COL23A1: variants seen among roughly 807,000 people sequenced by gnomAD.
COL23A1 encodes the protein collagen alpha-1(XXIII) chain.
COL23A1 carries 97 observed loss-of-function variants against 99.3 expected under a neutral mutation model. The observed-to-expected ratio is 0.98, with a 90% CI of 0.83 to 1.16. COL23A1 has a LOEUF of 1.16. COL23A1 is among the 50% of genes most tolerant of loss of function. The pLI is 0.00. For synonymous variants in COL23A1, 320 were observed against 308.2 expected (o/e 1.04, Z -0.40); for missense variants, 762 against 757.4 (o/e 1.01, Z -0.07).
At chr5:178,583,294 T>G (rs955336322) in intron 1 of COL23A1, among the ~76,000 whole-genome samples, 3 of 152,052 alleles carry the variant, frequency 2.0e-5, no homozygotes, top group Non-Finnish European at 4.4e-5. Flanking sequence ...GCCACTGAGG[T>G]GGAATTTCTC....
At chr5:178,478,623 A>G (rs1757157963) in intron 2 of COL23A1, among the ~76,000 whole-genome samples, 1 of 152,088 alleles carries the variant, frequency 6.6e-6, no homozygotes, top group Non-Finnish European at 1.5e-5. Flanking sequence ...GTGCCTGCCA[A>G]CCCCTCCCTT....
At chr5:178,440,241 T>C (rs1766787802) in intron 2 of COL23A1, among the ~76,000 whole-genome samples, 1 of 152,186 alleles carries the variant, frequency 6.6e-6, no homozygotes, top group South Asian at 2.1e-4. Flanking sequence ...GGACACCCAA[T>C]GTGCTCCACC....
intron 2 of COL23A1, among the ~76,000 whole-genome samples, chr5:178,322,299 AT>A (rs200208018): frequency 1.3e-5 from 2 of 151,758 alleles, no homozygotes; most frequent in African/African-American, 4.8e-5. Context: ...GCCCACGCCT[AT>A]TTTTTTTGTA....
intron 2 of COL23A1, among the ~76,000 whole-genome samples, chr5:178,511,625 G>T (rs1007156720): frequency 2.0e-5 from 3 of 152,160 alleles, no homozygotes; most frequent in African/African-American, 7.2e-5. Flanking sequence ...TGGAAGGAAG[G>T]CATGGGCTCA....
intron 19 of COL23A1, 110 bp downstream of exon 19, chr5:178,249,007 G>C (rs577290710): frequency 9.3e-7 from 1 of 1,080,848 alleles, no homozygotes; most frequent in Non-Finnish European, 1.4e-6. Context: ...CACTGAGACC[G>C]CAGGGGCTGT....
At chr5:178,517,601 G>A (rs1262932193) in intron 2 of COL23A1, among the ~76,000 whole-genome samples, 5 of 120,392 alleles carry the variant, frequency 4.2e-5, no homozygotes, top group Admixed American at 3.4e-4. Flanking sequence ...TCACTCTGTC[G>A]CCCAGTCTGG....
In COL23A1 at chr5:178,309,690, G is replaced by A. The variant is rs1758562823; in HGVS notation, c.362-2771C>T. 9.8e-6 allele frequency among the ~76,000 whole-genome samples: 1 copy of A among 102,366 alleles called. No individual in the cohort carries two copies. Among genetic ancestry groups the A allele is most frequent in the Non-Finnish European group, 2.0e-5 (1 of 49,904 alleles). 67.2% of individuals were successfully genotyped at this position (102,366 alleles called of 152,430 possible). A position where few individuals can be genotyped will look rare whatever the true frequency, so the allele number is the denominator to read the frequency against. On this transcript the variant is annotated intron_variant, in intron 2 of 28. Coordinates refer to ENST00000390654, the MANE Select transcript of COL23A1 (RefSeq NM_173465.4). This position sits in a 1 kb window ranked among gnomAD's most constrained non-coding sequence, Gnocchi z 4.7. The stretch of plus-strand genomic sequence containing the variant: ...TGCAGGTCCCAGCAGCACCCAAGCA[G>A]TCAAGCCAGAGACCCCCCCCCGGGC...
intron 2 of COL23A1, among the ~76,000 whole-genome samples, chr5:178,534,569 A>G (rs977826475): frequency 6.6e-6 from 1 of 152,170 alleles, no homozygotes; most frequent in African/African-American, 2.4e-5. Context: ...TCACGAGGTC[A>G]GGAGTTTGAG....
chr5:178,311,554 G>A (rs1758680044), intron 2 of COL23A1, among the ~76,000 whole-genome samples: 1 of 151,768 alleles, frequency 6.6e-6, no homozygotes, highest in South Asian at 2.1e-4. Context: ...TAATGTAAGT[G>A]GGTTCTTTCG....
At position 178,434,434 on chromosome 5, in the gene COL23A1, T is replaced by C. The variant is rs576741498; in HGVS notation, c.361+126248A>G. On this transcript the variant is annotated intron_variant, in intron 2 of 28. Transcript: ENST00000390654. This position sits in a 1 kb window ranked among gnomAD's most constrained non-coding sequence, Gnocchi z 4.3. ...AATGCCTGGACCAGGACTTGGACAT[T>C]GGGCGGCTGTGTGACAGGCATGGAC... 9.8e-5 allele frequency among the ~76,000 whole-genome samples: 15 copies of C among 152,310 alleles called. No homozygotes were observed. In the East Asian group the frequency reaches 2.7e-3, roughly 27 times the overall value.
chr5:178,300,361 C>T (rs1170083423), intron 3 of COL23A1, among the ~76,000 whole-genome samples: 3 of 151,994 alleles, frequency 2.0e-5, no homozygotes, highest in African/African-American at 4.8e-5. Context: ...CCACTGCACC[C>T]GGCCTCAATT....
intron 2 of COL23A1, among the ~76,000 whole-genome samples, chr5:178,556,058 C>T (rs543023914): frequency 8.5e-5 from 13 of 152,328 alleles, no homozygotes; most frequent in African/African-American, 2.9e-4. Context: ...ACAGCACACA[C>T]GCAGCCCTGT....
chr5:178,386,570 CTG>C (rs2127744692), intron 2 of COL23A1, among the ~76,000 whole-genome samples: 1 of 152,136 alleles, frequency 6.6e-6, no homozygotes, highest in African/African-American at 2.4e-5. Flanking sequence ...GGATATGAGT[CTG>C]TGTGTCACCA....
rs755540829 is a variant in COL23A1, at chr5:178,249,213, G to A, written c.1060-7C>T. On this transcript the variant is annotated splice_region_variant and splice_polypyrimidine_tract_variant and intron_variant, in intron 18 of 28. Coordinates refer to ENST00000390654, the MANE Select transcript of COL23A1 (RefSeq NM_173465.4). ...CTTTCTGTCCTTTGGGGCCCTGAAA[G>A]CCATAAGCACAAGGGATGAGTGGGG... is the stretch of plus-strand genomic sequence containing the variant. The A allele has an allele frequency of 1.9e-6, 3 of 1,614,056 alleles. No homozygotes were observed. The highest frequency in any genetic ancestry group is 2.5e-6 in the Non-Finnish European group (3 of 1,179,902).
At chr5:178,433,574 G>A (rs1766383455) in intron 2 of COL23A1, among the ~76,000 whole-genome samples, 2 of 152,210 alleles carry the variant, frequency 1.3e-5, no homozygotes, top group South Asian at 4.1e-4. Context: ...GTGGAGGGTG[G>A]GGCTGAAAGT....
At chr5:178,424,737 G>A (rs985605453) in intron 2 of COL23A1, among the ~76,000 whole-genome samples, 1 of 152,178 alleles carries the variant, frequency 6.6e-6, no homozygotes, top group Non-Finnish European at 1.5e-5. Context: ...TAGCTGGGCC[G>A]CCCTGGCAAG....
At chr5:178,357,824 TTATGTG>T (rs1761778434) in intron 2 of COL23A1, among the ~76,000 whole-genome samples, 1 of 143,458 alleles carries the variant, frequency 7.0e-6, no homozygotes. Context: ...GTATGTGTGT[TTATGTG>T]TATGTGTGTG....
chr5:178,360,840 C>T (rs577180403), intron 2 of COL23A1, among the ~76,000 whole-genome samples: 8 of 152,296 alleles, frequency 5.3e-5, no homozygotes, highest in African/African-American at 1.2e-4. Context: ...CGTCCCTGGG[C>T]GGGCCAACAG....
chr5:178,425,501 G>A (rs112740293), intron 2 of COL23A1, among the ~76,000 whole-genome samples: 2,194 of 152,064 alleles, frequency 0.014, 47 homozygotes, highest in African/African-American at 0.046. Context: ...GCTGTTTCCC[G>A]CGCTCACCTC....
Sources: gnomAD v4.1 joint callset for allele counts (sites outside exome capture counted in the v4.1 genomes callset) on GRCh38, gnomAD v4.1.1 for gene constraint, Gnocchi (gnomAD v3.1) non-coding constraint, MANE v1.5 for transcripts, NCBI Gene and HGNC (gene_info 2026-07-23, HGNC 2026-07-21) for gene names.